The following NCKAP5 variants were observed in gnomAD, a reference collection of about 807,000 sequenced individuals.
NCKAP5 encodes the protein NCK associated protein 5.
In NCKAP5, 92 loss-of-function variants were observed where a neutral mutation model predicts 167.0. That is an observed-to-expected ratio of 0.55 (90% CI 0.47 to 0.66). The LOEUF is 0.66. Among genes scored for constraint, NCKAP5 ranks in the 30% least tolerant of loss-of-function variants. The probability of loss-of-function intolerance (pLI) is 0.00; values close to 1 mark genes in which losing one functional copy is unlikely to be tolerated. For synonymous variants in NCKAP5, 891 were observed against 877.4 expected, an observed-to-expected ratio of 1.02 and a Z score of -0.27; for missense variants, 2,378 against 2,315.0, an observed-to-expected ratio of 1.03 and a Z score of -0.56.
intron 8 of NCKAP5, among the ~76,000 whole-genome samples, chr2:132,945,953 T>C (rs999087668): frequency 3.9e-5 from 6 of 152,224 alleles, no homozygotes; most frequent in Non-Finnish European, 5.9e-5. Flanking sequence ...CAGTAAGCTC[T>C]CTCTACTTCT....
intron 8 of NCKAP5, among the ~76,000 whole-genome samples, chr2:132,890,403 A>AG (rs1692600974): frequency 7.4e-6 from 1 of 136,054 alleles, no homozygotes; most frequent in African/African-American, 2.6e-5. Flanking sequence ...GCCACCATAA[A>AG]GAAAAAAAAT....
chr2:132,896,621 C>T (rs1455166478), intron 8 of NCKAP5, among the ~76,000 whole-genome samples: 1 of 152,142 alleles, frequency 6.6e-6, no homozygotes, highest in Admixed American at 6.5e-5. Flanking sequence ...AAGCTGGCAG[C>T]CACCAATTTT....
intron 8 of NCKAP5, among the ~76,000 whole-genome samples, chr2:132,946,537 G>C (rs896091959): frequency 2.6e-5 from 4 of 152,086 alleles, no homozygotes; most frequent in African/African-American, 9.7e-5. Flanking sequence ...TTGAAAAGCT[G>C]ACAAGGAAAT....
intron 6 of NCKAP5, among the ~76,000 whole-genome samples, chr2:133,028,663 A>G (rs2078776849): frequency 6.6e-6 from 1 of 152,220 alleles, no homozygotes; most frequent in Non-Finnish European, 1.5e-5. Context: ...TGCTTTAACA[A>G]CAAAACCTTT....
intron 4 of NCKAP5, among the ~76,000 whole-genome samples, chr2:133,242,247 T>C (rs1481010730): frequency 7.1e-6 from 1 of 141,318 alleles, no homozygotes; most frequent in African/African-American, 3.1e-5. Context: ...TGTTTTTCTT[T>C]TCTTTTCTTT....
In NCKAP5 at chr2:132,784,051, C is replaced by G; in HGVS notation, c.2760G>C (p.Pro920=). Residue 920 remains proline, a synonymous_variant, in exon 14 of 20, where the codon CCG becomes CCC. Transcript: ENST00000409261. The part of the protein sequence containing the change: ...PTRDEHCGSG[P]EAGVKSPSPP... ...GGGAAGGGGATTTCACCCCTGCCTCCGGCCCAGAGCCACAGTGTTCATCCC... is the reference window on the plus strand; with the variant it reads ...GGGAAGGGGATTTCACCCCTGCCTCGGGCCCAGAGCCACAGTGTTCATCCC... 1 of 1,532,304 alleles carries G rather than the reference C, an allele frequency of 6.5e-7. No homozygotes were observed. Among genetic ancestry groups the G allele is most frequent in the Non-Finnish European group, 8.7e-7 (1 of 1,143,366 alleles). 94.9% of individuals were successfully genotyped at this position (1,532,304 alleles called of 1,614,324 possible).
chr2:132,805,234 C>A (rs1685340360), intron 11 of NCKAP5, among the ~76,000 whole-genome samples: 1 of 152,084 alleles, frequency 6.6e-6, no homozygotes, highest in Admixed American at 6.6e-5. Flanking sequence ...TCATACCTGT[C>A]TTGCAAGTGA....
At chr2:132,856,056 C>G (rs370514760) in intron 11 of NCKAP5, among the ~76,000 whole-genome samples, 1 of 151,982 alleles carries the variant, frequency 6.6e-6, no homozygotes, top group African/African-American at 2.4e-5. Context: ...CCCAGCTACT[C>G]GGGAGGCTGA....
intron 11 of NCKAP5, among the ~76,000 whole-genome samples, chr2:132,835,241 C>G (rs1574371182): frequency 2.0e-5 from 3 of 152,042 alleles, no homozygotes; most frequent in East Asian, 1.9e-4. Context: ...ATTTTTGCAT[C>G]TATATTCATC....
At chr2:133,377,954 C>T (rs1686265784) in intron 3 of NCKAP5, among the ~76,000 whole-genome samples, 1 of 152,158 alleles carries the variant, frequency 6.6e-6, no homozygotes, top group Admixed American at 6.5e-5. Context: ...TAACCCACCC[C>T]AAACAGTGGC....
rs537599404 is a variant in NCKAP5, at chr2:133,107,373, CTT to C, written c.341+22603_341+22604del. ...GCTGTATTACTGTAAAGTTGTAAGA[CTT>C]AGTAAAATTCACATTTTGGACATTT... On this transcript the variant is annotated intron_variant, in intron 6 of 19. Coordinates refer to ENST00000409261, the MANE Select transcript of NCKAP5 (RefSeq NM_207363.3). Among the ~76,000 whole-genome samples, 18 of 152,260 alleles carry C rather than the reference CTT, an allele frequency of 1.2e-4. No individual in the cohort carries two copies. The South Asian group carries it at 2.7e-3, about 23-fold the overall frequency.
chr2:132,673,144 T>TGAAG lies in NCKAP5; in HGVS notation c.*144_*145insCTTC. ...AACTACTCAAAGATGTCTCTTCATT[T>TGAAG]TTTTCTTTTTCTTCCTTCTGTCCTT... On this transcript the variant is annotated 3_prime_UTR_variant, in exon 20 of 20. Coordinates refer to ENST00000409261, the MANE Select transcript of NCKAP5 (RefSeq NM_207363.3). The TGAAG allele has an allele frequency of 7.4e-7, 1 of 1,356,828 alleles. No individual in the cohort carries two copies. Among genetic ancestry groups the TGAAG allele is most frequent in the Admixed American group, 3.6e-5 (1 of 27,674 alleles). The allele number at this position is 1,356,828 out of a possible 1,614,324, so 84.0% of individuals were successfully genotyped here.
chr2:132,749,136 CAT>C (rs149877184), intron 16 of NCKAP5, among the ~76,000 whole-genome samples: 3,368 of 152,192 alleles, frequency 0.022, 109 homozygotes, highest in African/African-American at 0.073. Context: ...AAAATAAATA[CAT>C]AGTCTGATAT....
At chr2:133,444,879 T>C (rs1691097653) in intron 3 of NCKAP5, among the ~76,000 whole-genome samples, 1 of 152,210 alleles carries the variant, frequency 6.6e-6, no homozygotes. Flanking sequence ...TCACTCATTG[T>C]GATTCTCCTG....
intron 3 of NCKAP5, among the ~76,000 whole-genome samples, chr2:133,427,288 T>A (rs1482197892): frequency 1.3e-5 from 2 of 152,198 alleles, no homozygotes; most frequent in Non-Finnish European, 2.9e-5. Context: ...TGAGTGACAC[T>A]GCATTTGAAA....
intron 4 of NCKAP5, among the ~76,000 whole-genome samples, chr2:133,237,998 C>T (rs1031796783): frequency 6.6e-5 from 10 of 152,178 alleles, no homozygotes; most frequent in Non-Finnish European, 1.0e-4. Flanking sequence ...GTTACAAGCA[C>T]GGGAAGGAAA....
At chr2:132,735,329 A>G (rs1057006662) in intron 16 of NCKAP5, among the ~76,000 whole-genome samples, 2 of 152,176 alleles carry the variant, frequency 1.3e-5, no homozygotes, top group African/African-American at 4.8e-5. Context: ...ACTTAGTGCC[A>G]TCCCCTTAGT....
intron 5 of NCKAP5, among the ~76,000 whole-genome samples, chr2:133,182,397 G>T (rs75423816): frequency 0.045 from 6,891 of 152,174 alleles, 518 homozygotes; most frequent in African/African-American, 0.16. Context: ...AAAAAACTCA[G>T]CAAATATTAA....
chr2:133,536,928 T>C (rs2104859244), intron 2 of NCKAP5, among the ~76,000 whole-genome samples: 1 of 152,200 alleles, frequency 6.6e-6, no homozygotes, highest in African/African-American at 2.4e-5. Context: ...GTTTTATAAT[T>C]TTAGCTCTTA....
Sources: allele counts gnomAD v4.1 joint callset (sites outside exome capture counted in the v4.1 genomes callset), GRCh38; gene constraint gnomAD v4.1.1; transcripts MANE v1.5; gene names NCBI Gene and HGNC (gene_info 2026-07-23, HGNC 2026-07-21).